ZNF875: variants seen among roughly 807,000 people sequenced by gnomAD.
The protein encoded by ZNF875 is zinc finger protein 875.
A neutral mutation model predicts 11.2 loss-of-function variants in ZNF875; 14 were observed. That is an observed-to-expected ratio of 1.26 (90% CI 0.83 to 1.96). ZNF875 has a LOEUF of 1.96. Ranked by LOEUF, ZNF875 falls within the 30% of genes most tolerant of loss-of-function variation. ZNF875 has a pLI of 0.00. For missense variants in ZNF875, 752 were observed against 760.4 expected, an observed-to-expected ratio of 0.99 and a Z score of 0.13; for synonymous variants, 301 against 281.1, an observed-to-expected ratio of 1.07 and a Z score of -0.71.
In ZNF875 at chr19:37,347,220, T is replaced by G. The variant is rs35388283; in HGVS notation, c.64T>G (p.Tyr22Asp). ...CGTGGCATTCAGGGATGTGGCTGTG[T>G]ACTTCACCCAGGAGGAGTGGAGGTT... ...AFVAFRDVAV[Y>D]FTQEEWRLLS... Residue 22 changes from tyrosine (Y) to aspartate (D), a missense_variant, in exon 3 of 5, where the codon TAC becomes GAC. Physicochemically the swap from Tyr to Asp is radical, Grantham distance 160 (BLOSUM62 -3). Coordinates refer to ENST00000392153, the MANE Select transcript of ZNF875 (RefSeq NM_001353803.2). 4.6e-3 allele frequency: 7,375 copies of G among 1,614,110 alleles called. 305 individuals carry two copies. In the African/African-American group the frequency reaches 0.086, roughly 19 times the overall value.
intron 1 of ZNF875, among the ~76,000 whole-genome samples, chr19:37,319,368 T>TATATATATATATATATATATATATAA (rs1390266781): frequency 3.5e-5 from 5 of 144,018 alleles, no homozygotes; most frequent in African/African-American, 1.0e-4. Flanking sequence ...TATATATATA[T>TATATATATATATATATATATATATAA]AATAAAAATG....
At chr19:37,333,685 C>A (rs1363366815), upstream of ZNF875, among the ~76,000 whole-genome samples, 2 of 152,046 alleles carry the variant, frequency 1.3e-5, no homozygotes, top group African/African-American at 4.8e-5. Flanking sequence ...GACAATTCAA[C>A]AATTGTCCTA....
At chr19:37,330,773 CCCTCTCTT>C (rs1362074701), upstream of ZNF875, among the ~76,000 whole-genome samples, 1 of 152,124 alleles carries the variant, frequency 6.6e-6, no homozygotes, top group African/African-American at 2.4e-5. Flanking sequence ...CAGAGTAATT[CCCTCTCTT>C]CCCACCACAC....
intron 2 of ZNF875, chr19:37,344,643 C>G: frequency 6.3e-7 from 1 of 1,585,374 alleles, no homozygotes; most frequent in Non-Finnish European, 8.7e-7. Flanking sequence ...CCCCAAGCTT[C>G]TAGCTGTGTT....
intron 4 of ZNF875, among the ~76,000 whole-genome samples, chr19:37,327,009 T>TC (rs1473877758): frequency 1.3e-5 from 2 of 151,906 alleles, no homozygotes; most frequent in East Asian, 3.9e-4. Flanking sequence ...TTTTTTTTTT[T>TC]CGAGATGAAG....
At chr19:37,321,161 C>T (rs1461352329) in intron 1 of ZNF875, among the ~76,000 whole-genome samples, 1 of 152,006 alleles carries the variant, frequency 6.6e-6, no homozygotes, top group African/African-American at 2.4e-5. Context: ...GAATATGGCC[C>T]CGTGGGAAGG....
At chr19:37,333,792 A>T (rs1299602900), upstream of ZNF875, among the ~76,000 whole-genome samples, 3 of 152,146 alleles carry the variant, frequency 2.0e-5, no homozygotes, top group Non-Finnish European at 4.4e-5. Flanking sequence ...CACCAAAAAA[A>T]CTCAGTAATC....
intron 4 of ZNF875, among the ~76,000 whole-genome samples, chr19:37,356,195 A>G (rs1335771906): frequency 6.6e-6 from 1 of 152,168 alleles, no homozygotes; most frequent in Non-Finnish European, 1.5e-5. Flanking sequence ...GGCCTATACG[A>G]AGATTCCATG....
At chr19:37,353,161 A>C (rs1157039087) in intron 4 of ZNF875, among the ~76,000 whole-genome samples, 1 of 152,176 alleles carries the variant, frequency 6.6e-6, no homozygotes. Context: ...GGCGTGAGCC[A>C]CCGCGCCCGG....
At chr19:37,325,644 C>G (rs2032306224) in intron 4 of ZNF875, among the ~76,000 whole-genome samples, 1 of 151,464 alleles carries the variant, frequency 6.6e-6, no homozygotes, top group Admixed American at 6.6e-5. Context: ...CTCCTGGGCT[C>G]AAGAGATCCT....
chr19:37,344,138 A>T (rs1311343188), intron 2 of ZNF875, among the ~76,000 whole-genome samples: 2 of 152,184 alleles, frequency 1.3e-5, no homozygotes, highest in Non-Finnish European at 2.9e-5. Flanking sequence ...TATCGATTTT[A>T]TAGGAAATTG....
At chr19:37,320,906 T>C (rs1366144437) in intron 1 of ZNF875, among the ~76,000 whole-genome samples, 5 of 152,218 alleles carry the variant, frequency 3.3e-5, no homozygotes, top group Non-Finnish European at 7.3e-5. Flanking sequence ...ATGCTGTTAA[T>C]CTGTAACCCT....
intron 2 of ZNF875, chr19:37,344,787 G>T (rs765067932): frequency 6.9e-7 from 1 of 1,450,046 alleles, no homozygotes; most frequent in African/African-American, 1.4e-5. Flanking sequence ...TGTATTAAAT[G>T]TGTTAAAGTA....
intron 2 of ZNF875, chr19:37,345,162 G>A (rs949660754): frequency 8.6e-5 from 15 of 174,312 alleles, no homozygotes; most frequent in Non-Finnish European, 1.6e-4. Flanking sequence ...CCCATCCCCT[G>A]GTTTTACGGA....
intron 1 of ZNF875, among the ~76,000 whole-genome samples, chr19:37,319,369 A>ATATATATAT (rs56256521): frequency 8.6e-5 from 12 of 139,866 alleles, no homozygotes; most frequent in South Asian, 2.3e-4. Flanking sequence ...ATATATATAT[A>ATATATATAT]ATAAAAATGG....
chr19:37,350,385 C>T (rs1330773582), intron 4 of ZNF875, among the ~76,000 whole-genome samples: 1 of 152,032 alleles, frequency 6.6e-6, no homozygotes, highest in Non-Finnish European at 1.5e-5. Flanking sequence ...GCCACTTTAC[C>T]TGATGCCCTG....
Position 37,362,274 on chromosome 19 carries a change from A to ACT in ZNF875, c.422_423insCT (p.Gln141HisfsTer29). On this transcript the variant is annotated frameshift_variant, in exon 5 of 5. Coordinates refer to ENST00000392153, the MANE Select transcript of ZNF875 (RefSeq NM_001353803.2). LOFTEE classifies it low-confidence loss of function (END_TRUNC). ...AAACACTATCCAGAAGATCAGAAAC[A>ACT]ACAGCAGGATCCATTCTGCTTTAGT... The ACT allele has an allele frequency of 1.2e-6, 2 of 1,614,186 alleles. No homozygotes were observed. Among genetic ancestry groups the ACT allele is most frequent in the Non-Finnish European group, 1.7e-6 (2 of 1,180,028 alleles).
intron 4 of ZNF875, among the ~76,000 whole-genome samples, chr19:37,350,897 T>A (rs1355558948): frequency 2.0e-5 from 3 of 147,554 alleles, no homozygotes; most frequent in Admixed American, 6.9e-5. Context: ...CTCGGCCTAC[T>A]GGACTCAAGC....
At chr19:37,338,610 G>A (rs1182102839) in intron 2 of ZNF875, among the ~76,000 whole-genome samples, 1 of 152,158 alleles carries the variant, frequency 6.6e-6, no homozygotes. Context: ...TTTTAACATA[G>A]TATTTACTCA....
Sources: gnomAD v4.1 joint callset for allele counts (sites outside exome capture counted in the v4.1 genomes callset) on GRCh38, gnomAD v4.1.1 for gene constraint, MANE v1.5 for transcripts, NCBI Gene and HGNC (gene_info 2026-07-23, HGNC 2026-07-21) for gene names.